Variants in SGMS1 observed in about 807,000 individuals in gnomAD.
SGMS1 encodes the protein phosphatidylcholine:ceramide cholinephosphotransferase 1.
SGMS1 carries 13 observed loss-of-function variants against 46.2 expected under a neutral mutation model. The ratio of observed to expected loss-of-function variants is 0.28; its 90% confidence interval spans 0.18 to 0.45. SGMS1 has a LOEUF of 0.45. SGMS1 is among the 20% of genes least tolerant of loss of function. The probability of loss-of-function intolerance (pLI) is 1.00; values close to 1 mark genes in which losing one functional copy is unlikely to be tolerated. For synonymous variants in SGMS1, 203 were observed against 187.8 expected (o/e 1.08, Z -0.66); for missense variants, 324 against 519.9 (o/e 0.62, Z 3.66).
At chr10:50,607,502 T>C (rs938079293) in intron 1 of SGMS1, among the ~76,000 whole-genome samples, 1 of 152,186 alleles carries the variant, frequency 6.6e-6, no homozygotes, top group Non-Finnish European at 1.5e-5. Flanking sequence ...GTGCAGGCAG[T>C]GAAAGCTAAG....
At chr10:50,444,457 C>T (rs181533695) in intron 5 of SGMS1, among the ~76,000 whole-genome samples, 232 of 152,234 alleles carry the variant, frequency 1.5e-3, no homozygotes, top group Admixed American at 1.9e-3. Context: ...CACACATATA[C>T]GACCAACAGA....
intron 6 of SGMS1, among the ~76,000 whole-genome samples, chr10:50,368,324 T>C (rs1452049169): frequency 1.3e-5 from 2 of 152,146 alleles, no homozygotes; most frequent in East Asian, 3.9e-4. Flanking sequence ...TCACTACAAA[T>C]ATTTATTCTT....
chr10:50,309,768 CCTTAT>C (rs1847227795), intron 9 of SGMS1, among the ~76,000 whole-genome samples: 1 of 152,148 alleles, frequency 6.6e-6, no homozygotes, highest in Non-Finnish European at 1.5e-5. Context: ...TCCTGTATTT[CCTTAT>C]CTTAGTTTTT....
At chr10:50,504,545 G>A (rs1367344328) in intron 3 of SGMS1, among the ~76,000 whole-genome samples, 3 of 152,152 alleles carry the variant, frequency 2.0e-5, no homozygotes, top group Non-Finnish European at 4.4e-5. Context: ...AGCTCATACA[G>A]GTAGTAAGTG....
At chr10:50,459,594 G>T (rs1230983274) in intron 5 of SGMS1, among the ~76,000 whole-genome samples, 1 of 152,138 alleles carries the variant, frequency 6.6e-6, no homozygotes, top group Non-Finnish European at 1.5e-5. Flanking sequence ...AGTAGAGAGG[G>T]GGTTTCACCA....
At position 50,441,914 on chromosome 10, in the gene SGMS1, C is replaced by T. The variant is rs1849550977; in HGVS notation, c.-312-8358G>A. Among the ~76,000 whole-genome samples, 4 of 152,098 alleles carry T rather than the reference C, an allele frequency of 2.6e-5. No homozygotes were observed. In the South Asian group the frequency reaches 8.3e-4, roughly 32 times the overall value. Reference sequence around the variant, plus strand: ...AAAAGTATAGTGACAAAAATACTACCCACAACTTGGTAACAGAGGAATAAA... The same window carrying T: ...AAAAGTATAGTGACAAAAATACTACTCACAACTTGGTAACAGAGGAATAAA... On this transcript the variant is annotated intron_variant, in intron 5 of 10. Coordinates refer to ENST00000361781, the MANE Select transcript of SGMS1 (RefSeq NM_147156.4).
At chr10:50,471,798 G>A (rs1008251626) in intron 3 of SGMS1, among the ~76,000 whole-genome samples, 1 of 152,112 alleles carries the variant, frequency 6.6e-6, no homozygotes, top group East Asian at 1.9e-4. Context: ...GCCTCCAGTA[G>A]AGCATTACTA....
At chr10:50,499,962 T>A (rs961864115) in intron 3 of SGMS1, among the ~76,000 whole-genome samples, 2 of 152,036 alleles carry the variant, frequency 1.3e-5, no homozygotes, top group African/African-American at 4.8e-5. Flanking sequence ...AGGTCTGGAG[T>A]TCGAGACCAG....
chr10:50,611,432 C>A (rs989039334), intron 1 of SGMS1, among the ~76,000 whole-genome samples: 1 of 152,222 alleles, frequency 6.6e-6, no homozygotes, highest in African/African-American at 2.4e-5. Flanking sequence ...TTCTTCATCA[C>A]TCCTCAGCTG....
chr10:50,427,595 C>T (rs1220235962), intron 6 of SGMS1, among the ~76,000 whole-genome samples: 1 of 152,104 alleles, frequency 6.6e-6, no homozygotes, highest in Non-Finnish European at 1.5e-5. Flanking sequence ...TAACCAAAAG[C>T]AACGACACTT....
intron 9 of SGMS1, 50 bp downstream of exon 9, chr10:50,311,212 C>T (rs199687903): frequency 5.0e-5 from 79 of 1,588,042 alleles, no homozygotes; most frequent in Non-Finnish European, 6.5e-5. Context: ...GACCAGAGTT[C>T]ATGAGAAATG....
intron 2 of SGMS1, among the ~76,000 whole-genome samples, chr10:50,532,403 C>A (rs1369429206): frequency 6.6e-6 from 1 of 152,024 alleles, no homozygotes; most frequent in African/African-American, 2.4e-5. Context: ...TTGTTTGCAT[C>A]AATTTTTCTT....
rs192423035 is a variant in SGMS1, at chr10:50,568,208, C to T, written c.-589+21945G>A. ...TGTATACATTTTTATTTCTTCCAAACGTTTTCTTCCTCCCAGTAAAAGAAG... is the reference window on the plus strand; with the variant it reads ...TGTATACATTTTTATTTCTTCCAAATGTTTTCTTCCTCCCAGTAAAAGAAG... On this transcript the variant is annotated intron_variant, in intron 2 of 10. Coordinates refer to ENST00000361781, the MANE Select transcript of SGMS1 (RefSeq NM_147156.4). Among the ~76,000 whole-genome samples, 78 of 152,268 alleles carry T rather than the reference C, an allele frequency of 5.1e-4. 1 individual carries two copies. In the East Asian group the frequency reaches 0.013, roughly 24 times the overall value.
intron 5 of SGMS1, among the ~76,000 whole-genome samples, chr10:50,447,322 T>G (rs552140612): frequency 6.6e-6 from 1 of 152,302 alleles, no homozygotes; most frequent in African/African-American, 2.4e-5. Context: ...ACCCTGCTGT[T>G]AAGGACTTCT....
chr10:50,617,412 G>A (rs7080895), intron 1 of SGMS1, among the ~76,000 whole-genome samples: 8,899 of 152,170 alleles, frequency 0.058, 727 homozygotes, highest in East Asian at 0.36. Context: ...GCTTAAGTCT[G>A]GGGACAAAGG....
At chr10:50,536,336 G>C (rs778095580) in intron 2 of SGMS1, among the ~76,000 whole-genome samples, 16 of 151,766 alleles carry the variant, frequency 1.1e-4, no homozygotes, top group African/African-American at 2.9e-4. Context: ...AATGAACAAA[G>C]AAACAAACAA....
rs1847546922 is a variant in SGMS1, at chr10:50,327,256, C to T, written c.690G>A (p.Met230Ile). The T allele has an allele frequency of 8.1e-6, 13 of 1,609,540 alleles. No homozygotes were observed. Among genetic ancestry groups the T allele is most frequent in the Non-Finnish European group, 1.0e-5 (12 of 1,177,420 alleles). Residue 230 changes from methionine to isoleucine, a missense_variant, in exon 8 of 11, where the codon ATG becomes ATA. By Grantham distance (10) the Met-to-Ile change is conservative. This residue lies in a region of SGMS1 where 174 missense variants were observed against 350.1 expected (regional missense o/e 0.50). Transcript: ENST00000361781. Reference sequence around the variant, plus strand: ...CAGGTACTGGGAGTGTAGTTACATACATTGTAATACACCGATACAGGTACA... The same window carrying T: ...CAGGTACTGGGAGTGTAGTTACATATATTGTAATACACCGATACAGGTACA... ...GTLYLYRCIT[M>I]YVTTLPVPGM...
At chr10:50,447,654 A>C (rs1235205072) in intron 5 of SGMS1, among the ~76,000 whole-genome samples, 1 of 152,138 alleles carries the variant, frequency 6.6e-6, no homozygotes, top group Non-Finnish European at 1.5e-5. Flanking sequence ...AAAATTGTAC[A>C]TGTTTATCAC....
intron 5 of SGMS1, among the ~76,000 whole-genome samples, chr10:50,452,449 T>G (rs1216453898): frequency 6.6e-6 from 1 of 152,174 alleles, no homozygotes; most frequent in African/African-American, 2.4e-5. Flanking sequence ...AATAGGTCTA[T>G]TTTTGAAGAA....
Sources: allele counts gnomAD v4.1 joint callset (sites outside exome capture counted in the v4.1 genomes callset), GRCh38; gene constraint gnomAD v4.1.1; regional missense constraint gnomAD v4.1.1; transcripts MANE v1.5; gene names NCBI Gene and HGNC (gene_info 2026-07-23, HGNC 2026-07-21).